The following ASL variants were observed in gnomAD, a reference collection of about 807,000 sequenced individuals.
The protein encoded by ASL is argininosuccinate lyase, also known as argininosuccinase.
Under a neutral mutation model 69.1 loss-of-function variants are expected in ASL, and 51 were observed. The observed-to-expected ratio is 0.74, with a 90% CI of 0.59 to 0.93. ASL has a LOEUF of 0.93. Ranked by LOEUF, ASL falls within the 40% of genes least tolerant of loss-of-function variation. The pLI, the probability that ASL is intolerant of heterozygous loss-of-function variation, is 0.00. For missense variants in ASL, 540 were observed against 623.9 expected (o/e 0.87, Z 1.43); for synonymous variants, 241 against 247.6 (o/e 0.97, Z 0.25).
At chr7:66,079,116 A>G (rs1003060310) in intron 2 of ASL, among the ~76,000 whole-genome samples, 6 of 152,070 alleles carry the variant, frequency 3.9e-5, no homozygotes, top group African/African-American at 1.4e-4. Flanking sequence ...ACGGAGTTTC[A>G]CCATGTTAGC....
chr7:66,082,614 A>T (rs1365065454), intron 4 of ASL, among the ~76,000 whole-genome samples, 163 bp downstream of exon 4: 1 of 151,888 alleles, frequency 6.6e-6, no homozygotes, highest in Non-Finnish European at 1.5e-5. Context: ...TAATCCTAGC[A>T]CTTTGGGAGG....
chr7:66,090,957 G>T (rs1786823607), intron 14 of ASL, among the ~76,000 whole-genome samples: 1 of 152,038 alleles, frequency 6.6e-6, no homozygotes, highest in Non-Finnish European at 1.5e-5. Flanking sequence ...AATTAGCTGG[G>T]TGTGGTGGTA....
At chr7:66,076,731 T>C (rs78458747) in intron 2 of ASL, among the ~76,000 whole-genome samples, 179 of 152,194 alleles carry the variant, frequency 1.2e-3, no homozygotes, top group African/African-American at 3.9e-3. Context: ...ATAGTTGATT[T>C]ATCTGGCAAT....
intron 2 of ASL, among the ~76,000 whole-genome samples, chr7:66,077,605 T>G (rs374899746): frequency 8.6e-5 from 13 of 151,748 alleles, no homozygotes; most frequent in Admixed American, 4.6e-4. Flanking sequence ...GGTGGGTGCC[T>G]GTAGTCCCAG....
chr7:66,083,541 C>A, intron 6 of ASL, among the ~76,000 whole-genome samples: 1 of 151,864 alleles, frequency 6.6e-6, no homozygotes, highest in East Asian at 1.9e-4. Flanking sequence ...AAAAATTAGG[C>A]AATGTGGTGG....
intron 6 of ASL, among the ~76,000 whole-genome samples, chr7:66,085,596 T>C (rs1386890215): frequency 1.3e-5 from 2 of 151,278 alleles, no homozygotes; most frequent in Admixed American, 6.6e-5. Flanking sequence ...CTGGGCAACA[T>C]AGCAAGACCC....
At position 66,093,114 on chromosome 7, in the gene ASL, G is replaced by C; in HGVS notation, c.*202G>C. ...CGAGGATGCTTGAGGCCAGGAGTTT[G>C]ACACAGCCTGGGCAACACAGGGAGA... is the stretch of plus-strand genomic sequence containing the variant. On this transcript the variant is annotated 3_prime_UTR_variant, in exon 17 of 17. Coordinates refer to ENST00000304874, the MANE Select transcript of ASL (RefSeq NM_000048.4). 1 of 779,484 alleles carries C rather than the reference G, an allele frequency of 1.3e-6. No homozygotes were observed. The highest frequency in any genetic ancestry group is 2.1e-6 in the Non-Finnish European group (1 of 484,828). The allele number at this position is 779,484 out of a possible 1,614,324, so 48.3% of individuals were successfully genotyped here. A position where few individuals can be genotyped will look rare whatever the true frequency, so the allele number is the denominator to read the frequency against.
In ASL at chr7:66,092,858, C is replaced by T. The variant is rs558327619; in HGVS notation, c.1341C>T (p.Ser447=). ...YGALGGTARS[S]VDWQIRQVRA... ...CCCTGGGCGGCACTGCGCGCTCCAG[C>T]GTCGACTGGCAGATCCGCCAGGTGC... Residue 447 remains serine (S), a synonymous_variant, in exon 17 of 17, where the codon AGC becomes AGT. Transcript: ENST00000304874. 3.1e-6 allele frequency: 5 copies of T among 1,612,790 alleles called. No individual in the cohort carries two copies. The highest frequency in any genetic ancestry group is 4.5e-5 in the East Asian group (2 of 44,890).
At chr7:66,081,178 G>T (rs183028394) in intron 2 of ASL, among the ~76,000 whole-genome samples, 15 of 152,326 alleles carry the variant, frequency 9.8e-5, no homozygotes, top group Admixed American at 7.2e-4. Context: ...ATGGCACCTA[G>T]CACCTTGGTC....
At chr7:66,087,113 T>G in intron 8 of ASL, 2 of 652,088 alleles carry the variant, frequency 3.1e-6, no homozygotes, top group Non-Finnish European at 5.4e-6. Context: ...GGTGACTTAG[T>G]GCTTGGGGAC....
At chr7:66,076,681 GAT>G (rs1260107486) in intron 2 of ASL, among the ~76,000 whole-genome samples, 14 of 152,170 alleles carry the variant, frequency 9.2e-5, no homozygotes, top group Admixed American at 1.3e-4. Context: ...TGACCACTGA[GAT>G]GCTGGATTCC....
At chr7:66,091,795 A>G (rs990365609) in intron 14 of ASL, 1 of 602,386 alleles carries the variant, frequency 1.7e-6, no homozygotes. Context: ...AAAGGCCAGT[A>G]AAACATACAG....
Position 66,083,145 on chromosome 7 carries a change from C to T in ASL, c.417C>T (p.Leu139=). The T allele has an allele frequency of 6.2e-7, 1 of 1,613,304 alleles. No homozygotes were observed. Among genetic ancestry groups the T allele is most frequent in the Non-Finnish European group, 8.5e-7 (1 of 1,179,948 alleles). ...CGCTCTCGGGCCTCCTCTGGGAGCT[C>T]ATTAGGACCATGGTGGATCGGGCAG... ...CSTLSGLLWE[L]IRTMVDRAEA... is the part of the protein sequence containing the mutation. Residue 139 remains leucine, a synonymous_variant, in exon 6 of 17, where the codon CTC becomes CTT. Transcript: ENST00000304874.
chr7:66,081,862 C>G lies in ASL; in HGVS notation c.72C>G (p.Phe24Leu). The change falls in exon 3 of 17, where the codon TTC becomes TTG. Residue 24 changes from phenylalanine (F) to leucine (L), a missense_variant. Phe to Leu is a conservative substitution (Grantham distance 22). Coordinates refer to ENST00000304874, the MANE Select transcript of ASL (RefSeq NM_000048.4). ...VGAVDPIMEK[F>L]NASIAYDRHL... ...CAGTGGACCCCATCATGGAGAAGTT[C>G]AACGCGTCCATTGCCTACGACCGGC... 6.2e-7 allele frequency: 1 copy of G among 1,614,006 alleles called. No individual in the cohort carries two copies. The highest frequency in any genetic ancestry group is 8.5e-7 in the Non-Finnish European group (1 of 1,180,022).
Position 66,092,087 on chromosome 7 carries a change from G to A in ASL, c.1143+1G>A. On this transcript the variant is annotated splice_donor_variant, in intron 15 of 16. Transcript: ENST00000304874. LOFTEE classifies it high-confidence loss of function. ...TGCCTATTACCTGGTCCGCAAAGGG[G>A]TAAGTGTGTAGCAGCCAGGGGGAGG... is the stretch of plus-strand genomic sequence containing the variant. 2.5e-6 allele frequency: 4 copies of A among 1,611,310 alleles called. No homozygotes were observed. Among genetic ancestry groups the A allele is most frequent in the African/African-American group, 1.3e-5 (1 of 75,038 alleles).
Position 66,076,032 on chromosome 7 carries a change from C to T in ASL, c.-43-7C>T. 1.3e-6 allele frequency: 2 copies of T among 1,579,850 alleles called. No homozygotes were observed. Among genetic ancestry groups the T allele is most frequent in the Non-Finnish European group, 8.6e-7 (1 of 1,163,294 alleles). ...AAGGAGGTCGTCAGTCCGGTCTTGTCTTCCAGACCCGGAGGACCGAAGCTT... is the reference window on the plus strand; with the variant it reads ...AAGGAGGTCGTCAGTCCGGTCTTGTTTTCCAGACCCGGAGGACCGAAGCTT... On this transcript the variant is annotated splice_region_variant and splice_polypyrimidine_tract_variant and intron_variant, in intron 1 of 16. Transcript: ENST00000304874.
At chr7:66,089,587 T>C (rs375732584) in intron 13 of ASL, 25 bp from the exon 14 acceptor site, 24 of 1,612,312 alleles carry the variant, frequency 1.5e-5, no homozygotes, top group Non-Finnish European at 1.9e-5. Context: ...TGCTAGGCCC[T>C]CACCTCCTGC....
chr7:66,081,438 G>A (rs1260806736), intron 2 of ASL, among the ~76,000 whole-genome samples: 2 of 152,076 alleles, frequency 1.3e-5, no homozygotes, highest in East Asian at 3.9e-4. Context: ...AAATTAGCTG[G>A]GTGTGGTGGC....
At chr7:66,086,518 G>C in intron 6 of ASL, 67 bp from the exon 7 acceptor site, 2 of 1,555,828 alleles carry the variant, frequency 1.3e-6, no homozygotes, top group Non-Finnish European at 1.8e-6. Context: ...AGGCCTGCAG[G>C]GTTCCAGTGT....
Sources: allele counts gnomAD v4.1 joint callset (sites outside exome capture counted in the v4.1 genomes callset), GRCh38; gene constraint gnomAD v4.1.1; transcripts MANE v1.5; gene names NCBI Gene and HGNC (gene_info 2026-07-23, HGNC 2026-07-21).